The following LARGE1 variants were observed in gnomAD, a reference collection of about 807,000 sequenced individuals.
LARGE1 encodes the protein LARGE xylosyl- and glucuronyltransferase 1.
LARGE1 carries 43 observed loss-of-function variants against 87.6 expected under a neutral mutation model. The observed-to-expected ratio is 0.49, with a 90% CI of 0.38 to 0.63. The LOEUF (loss-of-function observed/expected upper bound fraction) is 0.63, where lower values mean the gene tolerates loss of function less well. Among genes scored for constraint, LARGE1 ranks in the 30% least tolerant of loss-of-function variants. LARGE1 has a pLI of 0.00. For missense variants in LARGE1, 802 were observed against 1,000.2 expected, an observed-to-expected ratio of 0.80 and a Z score of 2.67; for synonymous variants, 434 against 394.6, an observed-to-expected ratio of 1.10 and a Z score of -1.18.
chr22:33,619,589 A>C (rs558107613), intron 4 of LARGE1, among the ~76,000 whole-genome samples: 1 of 151,984 alleles, frequency 6.6e-6, no homozygotes, highest in African/African-American at 2.4e-5. Flanking sequence ...AGAAAAAAGA[A>C]GCATGATACT....
exon 12 of LARGE1, chr22:33,164,002 AAACAATATT>A (rs989411611): frequency 4.6e-5 from 7 of 152,184 alleles, no homozygotes; most frequent in African/African-American, 1.7e-4. Flanking sequence ...AAGTTTCAGC[AAACAATATT>A]AACATCAAAT....
At chr22:33,777,332 G>C (rs990976067) in intron 1 of LARGE1, among the ~76,000 whole-genome samples, 1 of 152,044 alleles carries the variant, frequency 6.6e-6, no homozygotes, top group Admixed American at 6.6e-5. Flanking sequence ...AGGAATGATG[G>C]GATCTGTGCT....
chr22:33,726,655 T>C (rs1480072914), intron 2 of LARGE1, among the ~76,000 whole-genome samples: 4 of 152,216 alleles, frequency 2.6e-5, no homozygotes, highest in Non-Finnish European at 4.4e-5. Flanking sequence ...GCTGGAAATA[T>C]TCTAATGCCA....
Position 33,277,211 on chromosome 22 carries a change from T to C in LARGE1, c.1922A>G (p.Lys641Arg). The change falls in exon 14 of 15, where the codon AAG (lysine) becomes AGG (arginine). Residue 641 changes from lysine (K) to arginine (R), a missense_variant. Physicochemically the swap from Lys to Arg is conservative, Grantham distance 26 (BLOSUM62 2). Transcript: ENST00000397394. ...TKGHAPTNFA[K>R]WRTATTPYRV... ...GTAAGGCGTGGTGGCGGTCCGCCAC[T>C]TGGCGAAGTTTGTGGGTGCGTGGCC... 1.9e-6 allele frequency: 3 copies of C among 1,614,234 alleles called. No homozygotes were observed. The highest frequency in any genetic ancestry group is 2.5e-6 in the Non-Finnish European group (3 of 1,180,038).
the LARGE1 span, among the ~76,000 whole-genome samples, chr22:33,124,447 T>TTTGG: frequency 6.7e-6 from 1 of 148,518 alleles, no homozygotes; most frequent in African/African-American, 2.5e-5. Context: ...CTCTGCAGTG[T>TTTGG]TAGCAGCTCT....
chr22:33,501,992 A>G (rs1480984304), intron 6 of LARGE1, among the ~76,000 whole-genome samples: 1 of 152,126 alleles, frequency 6.6e-6, no homozygotes, highest in African/African-American at 2.4e-5. Context: ...CAGGAGTTTG[A>G]GACTAGCCTG....
At chr22:33,386,341 C>A (rs1231543879) in intron 7 of LARGE1, among the ~76,000 whole-genome samples, 2 of 148,944 alleles carry the variant, frequency 1.3e-5, no homozygotes, top group African/African-American at 2.4e-5. Flanking sequence ...TCCACTCAAC[C>A]ACATAGACTA....
chr22:33,873,343 AG>A (rs2064360822), intron 1 of LARGE1: 1 of 152,250 alleles, frequency 6.6e-6, no homozygotes, highest in African/African-American at 2.4e-5. Context: ...CGCCTCGATT[AG>A]CTGGAGTGTT....
intron 11 of LARGE1, among the ~76,000 whole-genome samples, chr22:33,241,554 ATGTATATATG>A (rs558852479): frequency 9.3e-4 from 142 of 152,054 alleles, no homozygotes; most frequent in Non-Finnish European, 1.7e-3. Context: ...ATATATGTAT[ATGTATATATG>A]TGTATATATG....
At chr22:33,556,036 C>T (rs1403120452) in intron 6 of LARGE1, among the ~76,000 whole-genome samples, 1 of 152,128 alleles carries the variant, frequency 6.6e-6, no homozygotes, top group African/African-American at 2.4e-5. Context: ...GCTGCTCCCT[C>T]TAAGTGAGAC....
intron 6 of LARGE1, among the ~76,000 whole-genome samples, chr22:33,557,948 A>G (rs750372944): frequency 6.6e-6 from 1 of 152,204 alleles, no homozygotes; most frequent in Non-Finnish European, 1.5e-5. Context: ...GCTGACCAAG[A>G]ACAGGCCAAG....
At position 33,849,516 on chromosome 22, in the gene LARGE1, T is replaced by A. The variant is rs150898236; in HGVS notation, c.-83+70479A>T. ...ATTATTAACAGGCAGTACTCACTCA[T>A]AACCTACTGGGTACTAGACACCAGG... On this transcript the variant is annotated intron_variant, in intron 1 of 14. Transcript: ENST00000397394. 2.9e-3 allele frequency among the ~76,000 whole-genome samples: 433 copies of A among 151,924 alleles called. 2 individuals carry two copies. Among genetic ancestry groups the A allele is most frequent in the African/African-American group, 9.9e-3 (411 of 41,462 alleles).
intron 11 of LARGE1, among the ~76,000 whole-genome samples, chr22:33,231,577 T>G (rs1926007874): frequency 6.6e-6 from 1 of 152,212 alleles, no homozygotes; most frequent in African/African-American, 2.4e-5. Flanking sequence ...GCTATTCAAT[T>G]TATATGTTAT....
chr22:33,777,049 G>A (rs959564514), intron 1 of LARGE1, among the ~76,000 whole-genome samples: 2 of 152,170 alleles, frequency 1.3e-5, no homozygotes, highest in African/African-American at 4.8e-5. Context: ...TTGGGAGCCA[G>A]GGACACATGA....
At chr22:33,104,895 C>CTTTCT in the LARGE1 span, among the ~76,000 whole-genome samples, 1 of 56,448 alleles carries the variant, frequency 1.8e-5, no homozygotes, top group Non-Finnish European at 4.1e-5. Flanking sequence ...CTCTCTCTTT[C>CTTTCT]TTTCTTTCTT....
At chr22:33,288,566 G>C (rs1358598612) in intron 12 of LARGE1, among the ~76,000 whole-genome samples, 1 of 152,210 alleles carries the variant, frequency 6.6e-6, no homozygotes, top group Non-Finnish European at 1.5e-5. Flanking sequence ...CCTGAGGACT[G>C]TGCTGGTAAG....
At chr22:33,606,428 GAAATA>G (rs55899842) in intron 4 of LARGE1, among the ~76,000 whole-genome samples, 134 of 148,838 alleles carry the variant, frequency 9.0e-4, no homozygotes, top group African/African-American at 2.9e-3. Context: ...AAAATAAAAT[GAAATA>G]AAATAAAATA....
intron 4 of LARGE1, among the ~76,000 whole-genome samples, chr22:33,622,528 T>C (rs1282982179): frequency 2.0e-5 from 3 of 152,246 alleles, no homozygotes; most frequent in Non-Finnish European, 4.4e-5. Flanking sequence ...CAAAATGTTA[T>C]ATAAACTGCA....
chr22:33,695,972 G>A (rs1489762533), intron 2 of LARGE1, among the ~76,000 whole-genome samples: 2 of 152,132 alleles, frequency 1.3e-5, no homozygotes, highest in African/African-American at 2.4e-5. Context: ...CGATCTATTA[G>A]GAATCCTGAA....
Sources: gnomAD v4.1 joint callset for allele counts (sites outside exome capture counted in the v4.1 genomes callset) on GRCh38, gnomAD v4.1.1 for gene constraint, MANE v1.5 for transcripts, NCBI Gene and HGNC (gene_info 2026-07-23, HGNC 2026-07-21) for gene names.